PHACTR1: variants seen among roughly 807,000 people sequenced by gnomAD.
The protein encoded by PHACTR1 is phosphatase and actin regulator 1, also known as RPEL repeat containing 1.
A neutral mutation model predicts 69.2 loss-of-function variants in PHACTR1; 16 were observed. That is an observed-to-expected ratio of 0.23 (90% CI 0.16 to 0.35). PHACTR1 has a LOEUF of 0.35. Ranked by LOEUF, PHACTR1 falls within the 10% of genes least tolerant of loss-of-function variation. PHACTR1 has a pLI of 1.00. For synonymous variants in PHACTR1, 312 were observed against 284.5 expected, an observed-to-expected ratio of 1.10 and a Z score of -0.97; for missense variants, 510 against 734.7, an observed-to-expected ratio of 0.69 and a Z score of 3.54.
Position 12,897,894 on chromosome 6 carries a change from G to A in PHACTR1, c.250+148104G>A, listed in dbSNP as rs111663111. ...CTCACCCTCCAACAGGCCCTGGTGC[G>A]TGATGTTCCCCTCCTTGTGTCCATG... On this transcript the variant is annotated intron_variant, in intron 4 of 14. Transcript: ENST00000332995. 4.1e-3 allele frequency among the ~76,000 whole-genome samples: 626 copies of A among 152,054 alleles called. 3 individuals are homozygous for A. Among genetic ancestry groups the A allele is most frequent in the South Asian group, 0.014 (65 of 4,798 alleles).
At chr6:12,813,713 C>A (rs537087123) in intron 4 of PHACTR1, among the ~76,000 whole-genome samples, 1 of 152,336 alleles carries the variant, frequency 6.6e-6, no homozygotes, top group Admixed American at 6.5e-5. Flanking sequence ...AGGCCAGAGA[C>A]TGCATCAAAA....
intron 4 of PHACTR1, among the ~76,000 whole-genome samples, chr6:12,930,546 G>T (rs9472998): frequency 6.6e-6 from 1 of 152,116 alleles, no homozygotes; most frequent in Non-Finnish European, 1.5e-5. Flanking sequence ...GAAAGTCATC[G>T]CATCTTATCC....
chr6:12,728,304 G>A (rs945032195), intron 3 of PHACTR1, among the ~76,000 whole-genome samples: 10 of 152,046 alleles, frequency 6.6e-5, no homozygotes, highest in African/African-American at 1.7e-4. Flanking sequence ...GCAATGGAGC[G>A]AGATTCTGTC....
intron 9 of PHACTR1, 80 bp downstream of exon 9, chr6:13,228,143 C>CA: frequency 6.7e-7 from 1 of 1,496,896 alleles, no homozygotes; most frequent in Non-Finnish European, 8.9e-7. Context: ...CCCAGCAGCC[C>CA]AGCAGTCTGG....
chr6:12,956,141 A>G (rs551895938), intron 4 of PHACTR1, among the ~76,000 whole-genome samples: 1 of 152,336 alleles, frequency 6.6e-6, no homozygotes, highest in East Asian at 1.9e-4. Flanking sequence ...TACAAGGCTG[A>G]CCAACATTAG....
intron 4 of PHACTR1, among the ~76,000 whole-genome samples, chr6:13,001,822 T>C (rs1798126990): frequency 6.6e-6 from 1 of 152,224 alleles, no homozygotes; most frequent in Non-Finnish European, 1.5e-5. Context: ...TTTAACAGAA[T>C]ATCCATGAGG....
chr6:12,795,170 G>T (rs942523396), intron 4 of PHACTR1, among the ~76,000 whole-genome samples: 3 of 152,076 alleles, frequency 2.0e-5, no homozygotes, highest in African/African-American at 7.2e-5. Context: ...GAGTAGCAAG[G>T]ATCTAGAATA....
intron 4 of PHACTR1, among the ~76,000 whole-genome samples, chr6:12,773,433 C>G (rs1331532081): frequency 2.6e-5 from 4 of 152,156 alleles, no homozygotes; most frequent in Non-Finnish European, 5.9e-5. Context: ...TCTAGCCTCA[C>G]CTGATTCACT....
chr6:12,792,035 C>A (rs2127662881), intron 4 of PHACTR1, among the ~76,000 whole-genome samples: 1 of 152,226 alleles, frequency 6.6e-6, no homozygotes, highest in Non-Finnish European at 1.5e-5. Context: ...ATTTGAACAG[C>A]ATCCCAAAGA....
chr6:13,027,286 T>C (rs1341285152), intron 4 of PHACTR1, among the ~76,000 whole-genome samples: 3 of 152,226 alleles, frequency 2.0e-5, no homozygotes, highest in East Asian at 3.8e-4. Flanking sequence ...ATTAGCCTTA[T>C]TGCTTGTGAG....
At chr6:12,825,088 G>A (rs1333687031) in intron 4 of PHACTR1, among the ~76,000 whole-genome samples, 2 of 152,108 alleles carry the variant, frequency 1.3e-5, no homozygotes, top group Non-Finnish European at 2.9e-5. Flanking sequence ...AGACCAGCCT[G>A]GGCAACATAG....
chr6:13,140,172 C>A, intron 5 of PHACTR1, among the ~76,000 whole-genome samples: 1 of 97,174 alleles, frequency 1.0e-5, no homozygotes, highest in East Asian at 2.8e-4. Flanking sequence ...AATTTGAACC[C>A]TTGTATACTG....
intron 3 of PHACTR1, among the ~76,000 whole-genome samples, chr6:12,747,507 G>GA (rs925117036): frequency 4.6e-5 from 7 of 150,664 alleles, no homozygotes; most frequent in South Asian, 2.1e-4. Flanking sequence ...CTACAAAAAA[G>GA]AAAAAAAAAT....
At chr6:13,181,551 A>G (rs1271174070) in intron 6 of PHACTR1, among the ~76,000 whole-genome samples, 2 of 152,208 alleles carry the variant, frequency 1.3e-5, no homozygotes, top group Admixed American at 6.5e-5. Flanking sequence ...GTGATTTGAC[A>G]AATGGCCATT....
At chr6:13,025,259 A>C (rs1801519396) in intron 4 of PHACTR1, among the ~76,000 whole-genome samples, 1 of 152,214 alleles carries the variant, frequency 6.6e-6, no homozygotes, top group Non-Finnish European at 1.5e-5. Flanking sequence ...CGTCTCAAAA[A>C]CAAAACAAAA....
At chr6:12,955,325 A>C (rs1448478920) in intron 4 of PHACTR1, among the ~76,000 whole-genome samples, 2 of 150,642 alleles carry the variant, frequency 1.3e-5, no homozygotes, top group Non-Finnish European at 1.5e-5. Context: ...CAACCTCCCC[A>C]GTAGCTGGAA....
rs1164105884 is a variant in PHACTR1 at position 13,202,481 on chromosome 6, C to CTT, written c.665-3317_665-3316dup. 4.3e-3 allele frequency among the ~76,000 whole-genome samples: 555 copies of CTT among 129,904 alleles called. 6 individuals carry two copies. Among genetic ancestry groups the CTT allele is most frequent in the African/African-American group, 8.6e-3 (300 of 34,944 alleles). 85.2% of individuals were successfully genotyped at this position (129,904 alleles called of 152,430 possible). A position where few individuals can be genotyped will look rare whatever the true frequency, so the allele number is the denominator to read the frequency against. On this transcript the variant is annotated intron_variant, in intron 7 of 14. Coordinates refer to ENST00000332995, the MANE Select transcript of PHACTR1 (RefSeq NM_030948.6). ...TGCATTTGCTAGGTTTGCACTGAAG[C>CTT]TTTTTTTTTTTTTTTTTTGAGACAG...
intron 5 of PHACTR1, among the ~76,000 whole-genome samples, chr6:13,152,471 G>C (rs1004076357): frequency 1.3e-5 from 2 of 152,202 alleles, no homozygotes; most frequent in Admixed American, 6.5e-5. Flanking sequence ...AGCATAGACT[G>C]ACATGGTGGC....
intron 4 of PHACTR1, among the ~76,000 whole-genome samples, chr6:12,968,548 T>G (rs1354166150): frequency 4.6e-5 from 7 of 152,182 alleles, no homozygotes; most frequent in Non-Finnish European, 2.9e-5. Flanking sequence ...AACAATAACT[T>G]TTCATTCACC....
Sources: gnomAD v4.1 joint callset for allele counts (sites outside exome capture counted in the v4.1 genomes callset) on GRCh38, gnomAD v4.1.1 for gene constraint, MANE v1.5 for transcripts, NCBI Gene and HGNC (gene_info 2026-07-23, HGNC 2026-07-21) for gene names.